The following NPFFR2 variants were observed in gnomAD, a reference collection of about 807,000 sequenced individuals.
NPFFR2 encodes the protein neuropeptide FF receptor 2, also known as G-protein coupled receptor 74.
Under a neutral mutation model 13.1 loss-of-function variants are expected in NPFFR2, and 15 were observed. The ratio of observed to expected loss-of-function variants is 1.15; its 90% CI spans 0.77 to 1.76. The LOEUF is 1.76. NPFFR2 is among the 40% of genes most tolerant of loss of function. The pLI is 0.00. For synonymous variants in NPFFR2, 190 were observed against 175.7 expected (o/e 1.08, Z -0.65); for missense variants, 572 against 503.5 (o/e 1.14, Z -1.30).
intron 1 of NPFFR2, among the ~76,000 whole-genome samples, chr4:72,072,430 G>A (rs1301107503): frequency 1.3e-5 from 2 of 152,024 alleles, no homozygotes; most frequent in African/African-American, 4.8e-5. Flanking sequence ...TAACTGAAAT[G>A]AATAGTCACT....
At chr4:72,033,883 T>C (rs1718983886) in intron 1 of NPFFR2, among the ~76,000 whole-genome samples, 1 of 152,162 alleles carries the variant, frequency 6.6e-6, no homozygotes, top group Admixed American at 6.6e-5. Context: ...GTTTATTTAT[T>C]GTAGTTGTTC....
intron 1 of NPFFR2, chr4:72,068,886 C>T: frequency 6.1e-6 from 4 of 651,354 alleles, no homozygotes; most frequent in East Asian, 6.7e-5. Flanking sequence ...GCTCTAGACA[C>T]ATATGGTTTG....
chr4:72,090,022 G>A (rs1029609427), intron 1 of NPFFR2, among the ~76,000 whole-genome samples: 4 of 152,076 alleles, frequency 2.6e-5, no homozygotes, highest in African/African-American at 9.7e-5. Context: ...TGAGGATCCA[G>A]TTTCATTCTT....
At chr4:72,064,331 T>C (rs1165239259) in intron 1 of NPFFR2, among the ~76,000 whole-genome samples, 3 of 152,168 alleles carry the variant, frequency 2.0e-5, no homozygotes, top group Non-Finnish European at 4.4e-5. Flanking sequence ...TCCACTTCCA[T>C]GCTCACTGGT....
In NPFFR2 at chr4:72,147,844, A is replaced by C. The variant is rs748374107; in HGVS notation, c.*32A>C. On this transcript the variant is annotated 3_prime_UTR_variant, in exon 4 of 4. Coordinates refer to ENST00000308744, the MANE Select transcript of NPFFR2 (RefSeq NM_004885.3). ...CTAGTGTGATAATCCTAACTCTACT[A>C]CGCATTATATATTTAAATCCATTGC... 8.6e-6 allele frequency: 12 copies of C among 1,399,000 alleles called. No homozygotes were observed. The highest frequency in any genetic ancestry group is 1.2e-5 in the Non-Finnish European group (12 of 1,033,368). 86.7% of individuals were successfully genotyped at this position (1,399,000 alleles called of 1,614,324 possible). A position where few individuals can be genotyped will look rare whatever the true frequency, so the allele number is the denominator to read the frequency against.
intron 2 of NPFFR2, among the ~76,000 whole-genome samples, chr4:72,132,125 C>T (rs969691334): frequency 2.0e-5 from 3 of 148,330 alleles, no homozygotes; most frequent in African/African-American, 7.9e-5. Flanking sequence ...GCCTAGTACC[C>T]ATTGGTTTTT....
At chr4:72,034,122 A>G (rs1718989291) in intron 1 of NPFFR2, among the ~76,000 whole-genome samples, 1 of 152,238 alleles carries the variant, frequency 6.6e-6, no homozygotes, top group Non-Finnish European at 1.5e-5. Context: ...TATTATGGAA[A>G]AAAGGACATT....
rs531206076 is a variant in NPFFR2 at position 72,076,388 on chromosome 4, G to A, written c.-8+44188G>A. Among the ~76,000 whole-genome samples, 13 of 152,084 alleles carry A rather than the reference G, an allele frequency of 8.5e-5. No individual in the cohort carries two copies. The South Asian group carries it at 2.7e-3, about 32-fold the overall frequency. On this transcript the variant is annotated intron_variant, in intron 1 of 3. Transcript: ENST00000308744. ...AAATTGTTATATTCTAACAAAAGTT[G>A]ATTTTTATGTACTCATTTATATCTC...
chr4:72,126,191 G>A (rs377530565), intron 1 of NPFFR2, among the ~76,000 whole-genome samples: 3 of 152,152 alleles, frequency 2.0e-5, no homozygotes, highest in Admixed American at 6.5e-5. Flanking sequence ...ATTTAACTAC[G>A]GTAGAATCTG....
chr4:72,046,864 A>G (rs1264693681), intron 1 of NPFFR2, among the ~76,000 whole-genome samples: 2 of 152,216 alleles, frequency 1.3e-5, no homozygotes, highest in African/African-American at 4.8e-5. Context: ...GGCCATTTTG[A>G]TGAGGTTTCA....
intron 1 of NPFFR2, among the ~76,000 whole-genome samples, chr4:72,094,819 AG>A (rs1721015405): frequency 6.6e-6 from 1 of 152,170 alleles, no homozygotes; most frequent in Non-Finnish European, 1.5e-5. Flanking sequence ...CACTTCAAAA[AG>A]TCTGTGGAAG....
chr4:72,127,449 C>G (rs1245443079), intron 1 of NPFFR2, among the ~76,000 whole-genome samples: 1 of 133,622 alleles, frequency 7.5e-6, no homozygotes, highest in Non-Finnish European at 1.6e-5. Context: ...CTGCAAGCTC[C>G]GCCTCCCGGG....
intron 1 of NPFFR2, among the ~76,000 whole-genome samples, chr4:72,041,906 T>G (rs1041026308): frequency 6.6e-6 from 1 of 152,220 alleles, no homozygotes; most frequent in Non-Finnish European, 1.5e-5. Flanking sequence ...GATGCATAGT[T>G]TGCAAATATT....
chr4:72,145,075 T>G (rs1722734086), intron 3 of NPFFR2, among the ~76,000 whole-genome samples: 1 of 152,078 alleles, frequency 6.6e-6, no homozygotes, highest in Non-Finnish European at 1.5e-5. Context: ...AGCAGAATTT[T>G]AGTAATTATT....
At chr4:72,053,318 G>A (rs1213732853) in intron 1 of NPFFR2, among the ~76,000 whole-genome samples, 2 of 151,654 alleles carry the variant, frequency 1.3e-5, no homozygotes, top group Non-Finnish European at 2.9e-5. Context: ...TGAATCTGGG[G>A]GAAAGAAAAC....
intron 1 of NPFFR2, among the ~76,000 whole-genome samples, chr4:72,078,339 G>T (rs1482248545): frequency 1.3e-5 from 2 of 152,054 alleles, no homozygotes; most frequent in Non-Finnish European, 2.9e-5. Context: ...AAGAGAAAGG[G>T]TTGAAGAAAG....
At chr4:72,103,573 A>T (rs941425358) in intron 1 of NPFFR2, among the ~76,000 whole-genome samples, 1 of 152,144 alleles carries the variant, frequency 6.6e-6, no homozygotes, top group Non-Finnish European at 1.5e-5. Flanking sequence ...TCCTTGACTA[A>T]TTCTTGAAGA....
chr4:72,063,504 C>A (rs1435229176), intron 1 of NPFFR2, among the ~76,000 whole-genome samples: 1 of 152,132 alleles, frequency 6.6e-6, no homozygotes, highest in Non-Finnish European at 1.5e-5. Context: ...TATTTTAAGG[C>A]TATTGAGTTA....
At chr4:72,078,934 A>C (rs1720519967) in intron 1 of NPFFR2, among the ~76,000 whole-genome samples, 1 of 152,060 alleles carries the variant, frequency 6.6e-6, no homozygotes, top group Non-Finnish European at 1.5e-5. Context: ...TGGAAGTTGG[A>C]GGGTGGGAGG....
Sources: gnomAD v4.1 joint callset for allele counts (sites outside exome capture counted in the v4.1 genomes callset) on GRCh38, gnomAD v4.1.1 for gene constraint, MANE v1.5 for transcripts, NCBI Gene and HGNC (gene_info 2026-07-23, HGNC 2026-07-21) for gene names.